ZNF385D: variants seen among roughly 807,000 people sequenced by gnomAD.
ZNF385D encodes zinc finger protein 659.
Under a neutral mutation model 35.8 loss-of-function variants are expected in ZNF385D, and 15 were observed. The ratio of observed to expected loss-of-function variants is 0.42; its 90% confidence interval spans 0.28 to 0.64. The LOEUF (loss-of-function observed/expected upper bound fraction) is 0.64, where lower values mean the gene tolerates loss of function less well. ZNF385D is among the 30% of genes least tolerant of loss of function. ZNF385D has a pLI of 0.23. For synonymous variants in ZNF385D, 212 were observed against 186.8 expected (o/e 1.13, Z -1.10); for missense variants, 474 against 494.6 (o/e 0.96, Z 0.39).
intron 3 of ZNF385D, among the ~76,000 whole-genome samples, chr3:22,023,165 T>C (rs902448012): frequency 2.0e-5 from 3 of 152,116 alleles, no homozygotes; most frequent in African/African-American, 7.2e-5. Flanking sequence ...TATGGCTGAA[T>C]TGAAGTAATG....
chr3:21,498,451 C>A (rs1216229190), intron 4 of ZNF385D, among the ~76,000 whole-genome samples: 1 of 151,994 alleles, frequency 6.6e-6, no homozygotes, highest in African/African-American at 2.4e-5. Context: ...AATATATTTG[C>A]AAACTATCAA....
intron 3 of ZNF385D, among the ~76,000 whole-genome samples, chr3:21,966,561 G>A (rs1268008079): frequency 6.6e-6 from 1 of 152,118 alleles, no homozygotes; most frequent in Non-Finnish European, 1.5e-5. Context: ...ACCTATTGGT[G>A]TCAACTAGCA....
intron 3 of ZNF385D, among the ~76,000 whole-genome samples, chr3:22,022,198 G>C (rs1697261891): frequency 1.3e-5 from 2 of 152,022 alleles, no homozygotes; most frequent in African/African-American, 2.4e-5. Flanking sequence ...AACTAAATGA[G>C]ACAACTTATA....
chr3:21,633,479 A>T (rs994932509), intron 2 of ZNF385D, among the ~76,000 whole-genome samples: 4 of 152,124 alleles, frequency 2.6e-5, no homozygotes, highest in African/African-American at 9.7e-5. Flanking sequence ...GACAAGAGAA[A>T]AAAACCTTTA....
At chr3:22,071,225 T>A (rs1335642478) in intron 3 of ZNF385D, among the ~76,000 whole-genome samples, 2 of 152,186 alleles carry the variant, frequency 1.3e-5, no homozygotes, top group Non-Finnish European at 2.9e-5. Context: ...GACATACAAA[T>A]AATATCCCAA....
chr3:21,927,717 A>G (rs1700801582), intron 3 of ZNF385D, among the ~76,000 whole-genome samples: 1 of 152,208 alleles, frequency 6.6e-6, no homozygotes, highest in South Asian at 2.1e-4. Context: ...AGACTTCAAG[A>G]CAAAAATGTT....
chr3:21,942,472 C>T (rs577753020), intron 3 of ZNF385D: 36 of 152,268 alleles, frequency 2.4e-4, no homozygotes, highest in Admixed American at 4.6e-4. Context: ...AATAAAAGCG[C>T]GTGGCCACGA....
At chr3:21,933,178 A>G (rs1176829347) in intron 3 of ZNF385D, among the ~76,000 whole-genome samples, 1 of 152,188 alleles carries the variant, frequency 6.6e-6, no homozygotes, top group Non-Finnish European at 1.5e-5. Flanking sequence ...CCAATAAAAT[A>G]CACTTGATTC....
intron 2 of ZNF385D, among the ~76,000 whole-genome samples, chr3:22,214,609 C>T (rs967648772): frequency 2.6e-5 from 4 of 151,960 alleles, no homozygotes; most frequent in African/African-American, 9.7e-5. Context: ...TCTAAAATGG[C>T]CGCTTCAGGG....
chr3:22,093,157 C>A (rs2125606390), intron 3 of ZNF385D, among the ~76,000 whole-genome samples: 1 of 151,450 alleles, frequency 6.6e-6, no homozygotes, highest in South Asian at 2.1e-4. Context: ...AGAAAAACAC[C>A]CTGAGGAAAA....
At chr3:22,090,636 G>A (rs1301809465) in intron 3 of ZNF385D, among the ~76,000 whole-genome samples, 1 of 152,142 alleles carries the variant, frequency 6.6e-6, no homozygotes, top group Non-Finnish European at 1.5e-5. Flanking sequence ...TACTTTGTGG[G>A]TTGAGTAAAT....
At chr3:21,988,690 G>C (rs1694962248) in intron 3 of ZNF385D, among the ~76,000 whole-genome samples, 2 of 151,642 alleles carry the variant, frequency 1.3e-5, no homozygotes, top group South Asian at 4.3e-4. Flanking sequence ...GCTGTGGTGG[G>C]CTCCACCCAG....
intron 3 of ZNF385D, among the ~76,000 whole-genome samples, chr3:22,002,534 A>G (rs1372149237): frequency 6.6e-6 from 1 of 152,166 alleles, no homozygotes; most frequent in Non-Finnish European, 1.5e-5. Flanking sequence ...TTCTCTATCT[A>G]TTCCAAAAAT....
chr3:22,354,114 T>C lies in ZNF385D; in HGVS notation c.106+18336A>G, dbSNP rs756697904. 1.2e-4 allele frequency among the ~76,000 whole-genome samples: 19 copies of C among 152,138 alleles called. 1 individual carries two copies. Among genetic ancestry groups the C allele is most frequent in the Non-Finnish European group, 2.2e-4 (15 of 68,014 alleles). On this transcript the variant is annotated intron_variant, in intron 2 of 5. Transcript: ENST00000494108. ...TCTCACTAGCATCCCCTCTGCTGAA[T>C]GTGGAAAGAGAAACATAGTTATACT...
chr3:21,929,888 T>C (rs775771492), intron 3 of ZNF385D, among the ~76,000 whole-genome samples: 12 of 152,114 alleles, frequency 7.9e-5, no homozygotes, highest in South Asian at 2.1e-4. Context: ...AATTGATCTA[T>C]AGATTTAATA....
chr3:21,934,509 G>C (rs1701168155), intron 3 of ZNF385D, among the ~76,000 whole-genome samples: 1 of 152,122 alleles, frequency 6.6e-6, no homozygotes, highest in Non-Finnish European at 1.5e-5. Flanking sequence ...ACTGTGTAAA[G>C]ATCTTGGCTT....
At chr3:21,578,904 T>G (rs56330701) in intron 2 of ZNF385D, among the ~76,000 whole-genome samples, 1 of 152,202 alleles carries the variant, frequency 6.6e-6, no homozygotes, top group African/African-American at 2.4e-5. Flanking sequence ...TGCATTTTTT[T>G]AGAAAAGAAT....
Position 22,019,034 on chromosome 3 carries a change from C to CTTTTTTTTTT in ZNF385D, c.325+149773_325+149782dup, listed in dbSNP as rs11380195. Reference sequence around the variant, plus strand: ...CAGTTTCATGGATAGAGTTATTTACCTTTTTTTTTTTTTTTTTTTTTTTTT... The same window carrying CTTTTTTTTTT: ...CAGTTTCATGGATAGAGTTATTTACCTTTTTTTTTTTTTTTTTTTTTTTTTTTTTTTTTTT... On this transcript the variant is annotated intron_variant, in intron 3 of 5. Coordinates refer to the ZNF385D transcript ENST00000494108. Among the ~76,000 whole-genome samples, 385 of 64,442 alleles carry CTTTTTTTTTT rather than the reference C, an allele frequency of 6.0e-3. 47 individuals are homozygous for CTTTTTTTTTT. The highest frequency in any genetic ancestry group is 7.0e-3 in the Non-Finnish European group (250 of 35,762). The allele number at this position is 64,442 out of a possible 152,430, so 42.3% of individuals were successfully genotyped here. A position where few individuals can be genotyped will look rare whatever the true frequency, so the allele number is the denominator to read the frequency against.
At chr3:22,101,338 A>T (rs957556018) in intron 3 of ZNF385D, among the ~76,000 whole-genome samples, 1 of 152,056 alleles carries the variant, frequency 6.6e-6, no homozygotes, top group African/African-American at 2.4e-5. Flanking sequence ...ATAGATACAC[A>T]TACATAACCT....
Sources: gnomAD v4.1 joint callset for allele counts (sites outside exome capture counted in the v4.1 genomes callset) on GRCh38, gnomAD v4.1.1 for gene constraint, MANE v1.5 for transcripts, NCBI Gene and HGNC (gene_info 2026-07-23, HGNC 2026-07-21) for gene names.